Variants in SLC15A1 observed in about 807,000 individuals in gnomAD.
SLC15A1 encodes the protein Caco-2 oligopeptide transporter.
In SLC15A1, 83 loss-of-function variants were observed where a neutral mutation model predicts 92.9. The observed-to-expected ratio is 0.89, with a 90% confidence interval of 0.75 to 1.07. SLC15A1 has a LOEUF of 1.07. Ranked by LOEUF, SLC15A1 falls within the 50% of genes least tolerant of loss-of-function variation. The probability of loss-of-function intolerance (pLI) is 0.00; values close to 1 mark genes in which losing one functional copy is unlikely to be tolerated. For missense variants in SLC15A1, 857 were observed against 880.1 expected (o/e 0.97, Z 0.33); for synonymous variants, 322 against 318.2 (o/e 1.01, Z -0.13).
intron 1 of SLC15A1, among the ~76,000 whole-genome samples, chr13:98,739,965 G>C (rs9584925): frequency 0.05 from 7,643 of 152,094 alleles, 228 homozygotes; most frequent in African/African-American, 0.059. Context: ...AGGTGAGGAG[G>C]TAGCCATCAA....
intron 5 of SLC15A1, among the ~76,000 whole-genome samples, chr13:98,722,559 T>C (rs1309596205): frequency 4.6e-5 from 7 of 152,236 alleles, no homozygotes; most frequent in Non-Finnish European, 1.5e-5. Flanking sequence ...TACAAATTTC[T>C]GGTTTTATAG....
chr13:98,703,359 C>T (rs1397470571), intron 17 of SLC15A1, among the ~76,000 whole-genome samples: 1 of 152,076 alleles, frequency 6.6e-6, no homozygotes, highest in Non-Finnish European at 1.5e-5. Flanking sequence ...TTCCACAGAA[C>T]ACTACTGTCC....
intron 1 of SLC15A1, among the ~76,000 whole-genome samples, chr13:98,747,041 C>T (rs538458552): frequency 6.6e-6 from 1 of 152,274 alleles, no homozygotes; most frequent in South Asian, 2.1e-4. Flanking sequence ...CCCCCCACCC[C>T]GGCTGACACA....
At chr13:98,742,202 C>G (rs1210765948) in intron 1 of SLC15A1, among the ~76,000 whole-genome samples, 1 of 152,208 alleles carries the variant, frequency 6.6e-6, no homozygotes, top group African/African-American at 2.4e-5. Context: ...TTCTGCCCAG[C>G]ACCCTCACAA....
intron 18 of SLC15A1, among the ~76,000 whole-genome samples, chr13:98,692,882 G>A (rs893876168): frequency 1.3e-5 from 2 of 151,604 alleles, no homozygotes; most frequent in African/African-American, 2.4e-5. Flanking sequence ...GAGTAGCTGG[G>A]ACACACCACC....
At chr13:98,703,334 A>G (rs1024742021) in intron 17 of SLC15A1, among the ~76,000 whole-genome samples, 1 of 152,120 alleles carries the variant, frequency 6.6e-6, no homozygotes, top group African/African-American at 2.4e-5. Context: ...ATTTTTGATC[A>G]TTGGTTGCCG....
chr13:98,704,433 T>C lies in SLC15A1; in HGVS notation c.1272A>G (p.Thr424=), dbSNP rs1232145872. The change falls in exon 17 of 23, where the codon ACA becomes ACG. Residue 424 remains threonine (T), a splice_region_variant and synonymous_variant. Coordinates refer to ENST00000376503, the MANE Select transcript of SLC15A1 (RefSeq NM_005073.4). The stretch of plus-strand genomic sequence containing the variant: ...TTACATCAAAAGTCATAAATGCATT[T>C]GTCTATAGAGGGAGGGAAAGAGGCA... ...EMVTLGPMSQ[T]NAFMTFDVNK... is the part of the protein sequence containing the mutation. 1 of 1,612,492 alleles carries C rather than the reference T, an allele frequency of 6.2e-7. No homozygotes were observed. Among genetic ancestry groups the C allele is most frequent in the East Asian group, 2.2e-5 (1 of 44,792 alleles).
In SLC15A1 at chr13:98,726,452, G is replaced by A; in HGVS notation, c.22-3C>T. 6.2e-7 allele frequency: 1 copy of A among 1,613,166 alleles called. No homozygotes were observed. Among genetic ancestry groups the A allele is most frequent in the Non-Finnish European group, 8.5e-7 (1 of 1,179,472 alleles). On this transcript the variant is annotated splice_polypyrimidine_tract_variant and splice_region_variant and intron_variant, in intron 2 of 22. Transcript: ENST00000376503. The stretch of plus-strand genomic sequence containing the variant: ...CTCAGGGGATAACCAAAGAAACTCT[G>A]ACAAAAAAGAAACAAGCACAGGATT...
At chr13:98,711,095 A>G (rs1445115307) in intron 11 of SLC15A1, among the ~76,000 whole-genome samples, 1 of 152,170 alleles carries the variant, frequency 6.6e-6, no homozygotes, top group Non-Finnish European at 1.5e-5. Flanking sequence ...ATGAATGTGT[A>G]CACTCACATT....
intron 18 of SLC15A1, among the ~76,000 whole-genome samples, chr13:98,694,933 CA>C (rs2088009245): frequency 7.0e-6 from 1 of 141,978 alleles, no homozygotes; most frequent in African/African-American, 2.6e-5. Flanking sequence ...GAGGCTGAGG[CA>C]GGGGAACCGC....
intron 4 of SLC15A1, among the ~76,000 whole-genome samples, chr13:98,725,827 C>T (rs375566063): frequency 4.6e-5 from 7 of 152,082 alleles, no homozygotes; most frequent in Admixed American, 6.5e-5. Flanking sequence ...GGGGCTCAAG[C>T]GGATCCTCCC....
intron 7 of SLC15A1, among the ~76,000 whole-genome samples, chr13:98,720,044 T>G (rs959162517): frequency 6.6e-6 from 1 of 152,242 alleles, no homozygotes; most frequent in Admixed American, 6.5e-5. Context: ...TTCTATGGAA[T>G]GCTGGCGCCT....
intron 17 of SLC15A1, among the ~76,000 whole-genome samples, chr13:98,704,018 C>A (rs751743639): frequency 2.6e-5 from 4 of 152,182 alleles, no homozygotes; most frequent in Non-Finnish European, 4.4e-5. Flanking sequence ...TCTGTACACA[C>A]ACGCATGCAC....
rs549441699 is a variant in SLC15A1, at chr13:98,703,311, A to T, written c.1417-782T>A. 4.1e-4 allele frequency among the ~76,000 whole-genome samples: 62 copies of T among 152,250 alleles called. 1 individual carries two copies. The highest frequency in any genetic ancestry group is 5.8e-4 in the East Asian group (3 of 5,178). Reference sequence around the variant, plus strand: ...AGCCTTGATTTTCTTTAAAGCTAACATGAGCCTCTACAATTTTTGATCATT... The same window carrying T: ...AGCCTTGATTTTCTTTAAAGCTAACTTGAGCCTCTACAATTTTTGATCATT... On this transcript the variant is annotated intron_variant, in intron 17 of 22. Transcript: ENST00000376503.
chr13:98,724,147 CT>C, intron 4 of SLC15A1, 116 bp from the exon 5 acceptor site: 1 of 1,286,106 alleles, frequency 7.8e-7, no homozygotes, highest in Non-Finnish European at 1.1e-6. Context: ...CCTGAATACA[CT>C]TATTTCTCAA....
intron 7 of SLC15A1, 47 bp downstream of exon 7, chr13:98,721,448 C>T (rs780510662): frequency 2.3e-6 from 3 of 1,299,486 alleles, no homozygotes; most frequent in Middle Eastern, 3.6e-4. Context: ...ACGGACTTGG[C>T]CTTACTAAAA....
chr13:98,719,775 T>C (rs1194896721), intron 7 of SLC15A1, among the ~76,000 whole-genome samples: 1 of 152,144 alleles, frequency 6.6e-6, no homozygotes, highest in African/African-American at 2.4e-5. Context: ...CAGTAAATAT[T>C]TCAGGCTTTG....
chr13:98,743,615 A>T (rs2088466672), intron 1 of SLC15A1, among the ~76,000 whole-genome samples: 1 of 152,162 alleles, frequency 6.6e-6, no homozygotes, highest in Non-Finnish European at 1.5e-5. Flanking sequence ...AACAGGAAAG[A>T]TCTCAGGACA....
At chr13:98,748,619 C>T (rs1199050806) in intron 1 of SLC15A1, among the ~76,000 whole-genome samples, 1 of 152,148 alleles carries the variant, frequency 6.6e-6, no homozygotes, top group African/African-American at 2.4e-5. Flanking sequence ...ACGGCACCGG[C>T]AGACTAATTC....
Sources: gnomAD v4.1 joint callset for allele counts (sites outside exome capture counted in the v4.1 genomes callset) on GRCh38, gnomAD v4.1.1 for gene constraint, MANE v1.5 for transcripts, NCBI Gene and HGNC (gene_info 2026-07-23, HGNC 2026-07-21) for gene names.